Variants in COMMD9 observed in about 807,000 individuals in gnomAD.
The protein encoded by COMMD9 is COMM domain-containing protein 9.
Under a neutral mutation model 23.4 loss-of-function variants are expected in COMMD9, and 22 were observed. The ratio of observed to expected loss-of-function variants is 0.94; its 90% confidence interval spans 0.67 to 1.34. The LOEUF (loss-of-function observed/expected upper bound fraction) is 1.34, where lower values mean the gene tolerates loss of function less well. COMMD9 is among the 40% of genes most tolerant of loss of function. The pLI is 0.00. For synonymous variants in COMMD9, 99 were observed against 97.4 expected (o/e 1.02, Z -0.10); for missense variants, 231 against 240.2 (o/e 0.96, Z 0.25).
chr11:36,289,179 A>C (rs938060198), intron 1 of COMMD9, among the ~76,000 whole-genome samples, 183 bp downstream of exon 1: 7 of 152,036 alleles, frequency 4.6e-5, no homozygotes, highest in African/African-American at 1.7e-4. Flanking sequence ...TTCCTGTCAA[A>C]ACGATATTTT....
chr11:36,274,708 C>A lies in COMMD9; in HGVS notation c.521G>T (p.Ser174Ile), dbSNP rs1427226603. Residue 174 changes from serine to isoleucine, a missense_variant, in exon 6 of 6, where the codon AGC (serine) becomes ATC (isoleucine). Physicochemically the swap from Ser to Ile is moderately radical, Grantham distance 142. Transcript: ENST00000263401. Reference protein sequence around the residue: ...PSISAVTVELSKETLDTMLDG... With the variant: ...PSISAVTVELIKETLDTMLDG... ...TAACATGGTGTCCAGTGTTTCTTTG[C>A]TCAGCTCCACGGTGACAGCTGAGAT... 3 of 1,614,252 alleles carry A rather than the reference C, an allele frequency of 1.9e-6. No homozygotes were observed. Among genetic ancestry groups the A allele is most frequent in the Admixed American group, 1.7e-5 (1 of 60,026 alleles).
chr11:36,276,282 G>T, intron 4 of COMMD9, 42 bp from the exon 5 acceptor site: 1 of 1,403,896 alleles, frequency 7.1e-7, no homozygotes. Flanking sequence ...TGCCGCCCGT[G>T]TTTACCAAGC....
intron 1 of COMMD9, among the ~76,000 whole-genome samples, chr11:36,286,409 AAAAAGAAAG>A (rs1227309051): frequency 1.3e-4 from 9 of 71,260 alleles, no homozygotes; most frequent in African/African-American, 4.0e-4. Context: ...AAAAAAAAAA[AAAAAGAAAG>A]AAAGAAAGAA....
intron 2 of COMMD9, among the ~76,000 whole-genome samples, chr11:36,279,653 T>C (rs755500304): frequency 2.6e-5 from 4 of 152,254 alleles, no homozygotes; most frequent in Non-Finnish European, 5.9e-5. Flanking sequence ...TTGCCTTCCC[T>C]GTTTGATTTT....
intron 2 of COMMD9, among the ~76,000 whole-genome samples, 185 bp downstream of exon 2, chr11:36,280,527 A>G (rs1856047608): frequency 6.6e-6 from 1 of 152,266 alleles, no homozygotes; most frequent in Non-Finnish European, 1.5e-5. Flanking sequence ...AATAGGTCTG[A>G]AAGAAAATGG....
At chr11:36,288,776 G>T (rs1468184370) in intron 1 of COMMD9, among the ~76,000 whole-genome samples, 4 of 152,158 alleles carry the variant, frequency 2.6e-5, no homozygotes, top group Admixed American at 2.0e-4. Context: ...CTCCAGCCTG[G>T]ACAACAGAGC....
At chr11:36,276,997 G>T in intron 4 of COMMD9, 92 bp downstream of exon 4, 2 of 1,142,228 alleles carry the variant, frequency 1.8e-6, no homozygotes, top group South Asian at 1.6e-5. Context: ...GGTTCACTTT[G>T]GTTTCTGCCA....
chr11:36,289,055 G>C (rs904037804), intron 1 of COMMD9, among the ~76,000 whole-genome samples: 5 of 152,084 alleles, frequency 3.3e-5, no homozygotes, highest in African/African-American at 1.2e-4. Flanking sequence ...CTGACAACGT[G>C]GGTCTAGCAA....
At chr11:36,281,080 G>C (rs539289912) in intron 1 of COMMD9, among the ~76,000 whole-genome samples, 1 of 152,294 alleles carries the variant, frequency 6.6e-6, no homozygotes, top group East Asian at 1.9e-4. Context: ...AGAGGAGGCA[G>C]ATCTGCTAGG....
rs977143922 is a variant in COMMD9 at position 36,285,636 on chromosome 11, A to G, written c.51+3726T>C. The stretch of plus-strand genomic sequence containing the variant: ...TCTTAGAAAATAATGGCAAATAGAG[A>G]TCAGTTATATATATGTATAATATTT... On this transcript the variant is annotated intron_variant, in intron 1 of 5. Transcript: ENST00000263401. Among the ~76,000 whole-genome samples the G allele has an allele frequency of 1.3e-5, 2 of 152,054 alleles. 1 individual carries two copies. The highest frequency in any genetic ancestry group is 1.3e-4 in the Admixed American group (2 of 15,262).
intron 3 of COMMD9, 57 bp downstream of exon 3, chr11:36,278,420 A>G (rs1441087545): frequency 3.4e-6 from 5 of 1,491,774 alleles, no homozygotes; most frequent in Non-Finnish European, 4.7e-6. Flanking sequence ...TAGAATGAGA[A>G]TAAAAATAAT....
rs771453704 is a variant in COMMD9 at position 36,276,120 on chromosome 11, CATG to C, written c.456+14_456+16del. ...GGGTGCTGCCTCTTCTTTCTAATGG[CATG>C]ATAGTGAATGTACCTTCATCTGGAG... On this transcript the variant is annotated intron_variant, in intron 5 of 5. Coordinates refer to ENST00000263401, the MANE Select transcript of COMMD9 (RefSeq NM_014186.4). 398 of 1,583,270 alleles carry C rather than the reference CATG, an allele frequency of 2.5e-4. No homozygotes were observed. The highest frequency in any genetic ancestry group is 3.2e-4 in the Non-Finnish European group (363 of 1,152,094).
At chr11:36,287,101 T>C (rs74940641) in intron 1 of COMMD9, among the ~76,000 whole-genome samples, 17,217 of 119,702 alleles carry the variant, frequency 0.14, 2,334 homozygotes, top group East Asian at 0.22. Context: ...ATACTATGTA[T>C]ATCGCGTAGT....
At chr11:36,280,198 T>G (rs1209740945) in intron 2 of COMMD9, among the ~76,000 whole-genome samples, 1 of 152,224 alleles carries the variant, frequency 6.6e-6, no homozygotes, top group African/African-American at 2.4e-5. Context: ...AGGCTGTCAC[T>G]GCTACATAAT....
At chr11:36,284,395 C>G (rs1173302238) in intron 1 of COMMD9, among the ~76,000 whole-genome samples, 2 of 152,160 alleles carry the variant, frequency 1.3e-5, no homozygotes, top group Non-Finnish European at 2.9e-5. Flanking sequence ...CAAAAACTAT[C>G]AGAACTGTAA....
intron 3 of COMMD9, among the ~76,000 whole-genome samples, chr11:36,277,433 AG>A (rs770639652): frequency 5.3e-5 from 8 of 152,238 alleles, no homozygotes; most frequent in Non-Finnish European, 1.0e-4. Flanking sequence ...ACAGAAAAAA[AG>A]GTCAACTTAT....
In COMMD9 at chr11:36,273,438, G is replaced by A. The variant is rs1031095341; in HGVS notation, c.*1194C>T. On this transcript the variant is annotated 3_prime_UTR_variant, in exon 6 of 6. Coordinates refer to ENST00000263401, the MANE Select transcript of COMMD9 (RefSeq NM_014186.4). ...AACTCGAAGGAGTGCCTTCATCATAGCTCTTGTAACAAGCACATACTGATG... is the reference window on the plus strand; with the variant it reads ...AACTCGAAGGAGTGCCTTCATCATAACTCTTGTAACAAGCACATACTGATG... 3 of 152,172 alleles carry A rather than the reference G, an allele frequency of 2.0e-5. No individual in the cohort carries two copies. The highest frequency in any genetic ancestry group is 7.2e-5 in the African/African-American group (3 of 41,440). The allele number at this position is 152,172 out of a possible 1,614,324, so 9.4% of individuals were successfully genotyped here.
intron 3 of COMMD9, 28 bp from the exon 4 acceptor site, chr11:36,277,151 A>T: frequency 6.4e-7 from 1 of 1,564,344 alleles, no homozygotes; most frequent in Non-Finnish European, 8.7e-7. Flanking sequence ...ATGAGGAAAA[A>T]ATAATGGAAA....
At chr11:36,279,450 C>T (rs1166446726) in intron 2 of COMMD9, among the ~76,000 whole-genome samples, 1 of 152,234 alleles carries the variant, frequency 6.6e-6, no homozygotes, top group African/African-American at 2.4e-5. Context: ...TCTGATATCA[C>T]TGCAGATTAC....
Sources: gnomAD v4.1 joint callset for allele counts (sites outside exome capture counted in the v4.1 genomes callset) on GRCh38, gnomAD v4.1.1 for gene constraint, MANE v1.5 for transcripts, NCBI Gene and HGNC (gene_info 2026-07-23, HGNC 2026-07-21) for gene names.